The following STK3 variants were observed in gnomAD, a reference collection of about 807,000 sequenced individuals.
The protein encoded by STK3 is serine/threonine-protein kinase 3.
A neutral mutation model predicts 58.0 loss-of-function variants in STK3; 41 were observed. The ratio of observed to expected loss-of-function variants is 0.71; its 90% CI spans 0.55 to 0.92. The LOEUF is 0.92. STK3 is among the 40% of genes least tolerant of loss of function. The pLI is 0.00. For synonymous variants in STK3, 170 were observed against 191.0 expected, an observed-to-expected ratio of 0.89 and a Z score of 0.91; for missense variants, 479 against 602.7, an observed-to-expected ratio of 0.79 and a Z score of 2.15.
At position 98,635,855 on chromosome 8, in the gene STK3, TTGC is replaced by T. The variant is rs565788416; in HGVS notation, c.685-39689_685-39687del. On this transcript the variant is annotated intron_variant, in intron 6 of 10. Coordinates refer to ENST00000419617, the MANE Select transcript of STK3 (RefSeq NM_006281.4). ...TCTTGGTGGGCTTGTTAAATGCAGATTGCTGAACCCCTACTTCAAACCCCAATC... is the reference window on the plus strand; with the variant it reads ...TCTTGGTGGGCTTGTTAAATGCAGATTGAACCCCTACTTCAAACCCCAATC... Among the ~76,000 whole-genome samples, 645 of 152,236 alleles carry T rather than the reference TTGC, an allele frequency of 4.2e-3. 3 individuals carry two copies. Among genetic ancestry groups the T allele is most frequent in the African/African-American group, 0.015 (614 of 41,558 alleles).
intron 1 of STK3, among the ~76,000 whole-genome samples, chr8:98,795,297 A>G (rs1211733702): frequency 1.3e-5 from 2 of 148,328 alleles, no homozygotes; most frequent in Non-Finnish European, 1.5e-5. Context: ...CCCAACAGAC[A>G]TGGAAAAAGC....
At chr8:98,793,675 C>T (rs1276943207) in intron 1 of STK3, among the ~76,000 whole-genome samples, 2 of 152,196 alleles carry the variant, frequency 1.3e-5, no homozygotes, top group African/African-American at 2.4e-5. Context: ...GACTTAAATT[C>T]AACACATGAT....
chr8:98,387,495 C>A (rs1817801762), intron 1 of STK3, among the ~76,000 whole-genome samples: 1 of 152,162 alleles, frequency 6.6e-6, no homozygotes, highest in African/African-American at 2.4e-5. Flanking sequence ...ACGCCTGTAA[C>A]CCCAGCACTT....
chr8:98,806,400 G>A (rs940116779), intron 1 of STK3, among the ~76,000 whole-genome samples: 1 of 152,152 alleles, frequency 6.6e-6, no homozygotes, highest in South Asian at 2.1e-4. Flanking sequence ...ACACATATAT[G>A]GCTAGAAGTC....
intron 1 of STK3, among the ~76,000 whole-genome samples, chr8:98,897,909 C>T (rs1377591869): frequency 6.6e-6 from 1 of 152,194 alleles, no homozygotes; most frequent in Admixed American, 6.5e-5. Flanking sequence ...AAACACGAGA[C>T]AGCCCCTTAC....
downstream of STK3, among the ~76,000 whole-genome samples, chr8:98,451,694 G>T (rs184137607): frequency 6.6e-6 from 1 of 152,212 alleles, no homozygotes; most frequent in East Asian, 1.9e-4. Context: ...GTAGAAGGTA[G>T]TTGGCTGAGG....
intron 6 of STK3, among the ~76,000 whole-genome samples, chr8:98,662,211 G>A (rs1348062554): frequency 6.6e-6 from 1 of 152,060 alleles, no homozygotes; most frequent in Non-Finnish European, 1.5e-5. Flanking sequence ...TTAATAATCT[G>A]ATAAAACTGA....
chr8:98,365,660 C>A, the STK3 span, among the ~76,000 whole-genome samples: 14 of 152,220 alleles, frequency 9.2e-5, no homozygotes, highest in African/African-American at 3.4e-4. Context: ...CCAGAGCAAC[C>A]CTATGATGGT....
At chr8:98,759,311 T>C (rs886948377) in intron 3 of STK3, among the ~76,000 whole-genome samples, 4 of 152,068 alleles carry the variant, frequency 2.6e-5, no homozygotes, top group African/African-American at 9.7e-5. Flanking sequence ...ATTTCAATAT[T>C]GTGTCTCAAG....
At chr8:98,884,558 T>G (rs746749119) in intron 1 of STK3, among the ~76,000 whole-genome samples, 4 of 152,232 alleles carry the variant, frequency 2.6e-5, no homozygotes, top group Non-Finnish European at 5.9e-5. Context: ...TTTTCCTGGT[T>G]CAGGATTGCA....
chr8:98,769,436 G>T (rs181299676), intron 2 of STK3, among the ~76,000 whole-genome samples: 3 of 152,144 alleles, frequency 2.0e-5, no homozygotes, highest in South Asian at 4.1e-4. Flanking sequence ...CTCTTTGCCC[G>T]CTGCCATCCA....
At chr8:98,655,437 T>G (rs978357697) in intron 6 of STK3, among the ~76,000 whole-genome samples, 11 of 152,220 alleles carry the variant, frequency 7.2e-5, no homozygotes, top group South Asian at 2.1e-4. Context: ...AAGGACTTCA[T>G]GTCTAAAATG....
intron 9 of STK3, 159 bp downstream of exon 9, chr8:98,547,810 A>G (rs1400387829): frequency 1.9e-6 from 1 of 537,680 alleles, no homozygotes; most frequent in Non-Finnish European, 2.9e-6. Context: ...ACAATTTTAA[A>G]AAGGTGACTT....
intron 1 of STK3, among the ~76,000 whole-genome samples, chr8:98,792,824 C>A (rs1230265416): frequency 6.6e-6 from 1 of 152,146 alleles, no homozygotes; most frequent in Non-Finnish European, 1.5e-5. Context: ...TTTATAGCAG[C>A]ACAGTTCGCA....
At position 98,715,114 on chromosome 8, in the gene STK3, C is replaced by T. The variant is rs191361807; in HGVS notation, c.352-7803G>A. Among the ~76,000 whole-genome samples the T allele has an allele frequency of 1.3e-4, 20 of 151,724 alleles. No homozygotes were observed. In the East Asian group the frequency reaches 3.7e-3, roughly 28 times the overall value. ...CTGAAACTGGATCCCTTCCTTACAC[C>T]TTATACAAAAATTAATTCAAGATGG... On this transcript the variant is annotated intron_variant, in intron 4 of 10. Transcript: ENST00000419617.
At chr8:98,679,431 C>G (rs1823464891) in intron 6 of STK3, among the ~76,000 whole-genome samples, 2 of 152,182 alleles carry the variant, frequency 1.3e-5, no homozygotes, top group South Asian at 4.1e-4. Context: ...TCCAACACAA[C>G]ACATCAACCA....
At chr8:98,530,069 G>A (rs759332393) in intron 9 of STK3, among the ~76,000 whole-genome samples, 2 of 152,106 alleles carry the variant, frequency 1.3e-5, no homozygotes, top group Non-Finnish European at 2.9e-5. Context: ...TGAGAATATC[G>A]CAATAATGTA....
At position 98,822,232 on chromosome 8, in the gene STK3, T is replaced by C. The variant is rs575038508; in HGVS notation, c.26+3283A>G. 2.6e-5 allele frequency among the ~76,000 whole-genome samples: 4 copies of C among 152,368 alleles called. No individual in the cohort carries two copies. The South Asian group carries it at 6.2e-4, about 24-fold the overall frequency. On this transcript the variant is annotated intron_variant, in intron 1 of 10. Transcript: ENST00000419617. ...AATGTATTGGTAATATTTTTATTAA[T>C]ATTTCTTAAACTGGATGGTAATACC...
chr8:98,936,274 G>C (rs1195832156), intron 1 of STK3, among the ~76,000 whole-genome samples: 5 of 152,032 alleles, frequency 3.3e-5, no homozygotes, highest in Admixed American at 6.6e-5. Context: ...CAGACACAGA[G>C]GGTTCAACAA....
Sources: gnomAD v4.1 joint callset for allele counts (sites outside exome capture counted in the v4.1 genomes callset) on GRCh38, gnomAD v4.1.1 for gene constraint, MANE v1.5 for transcripts, NCBI Gene and HGNC (gene_info 2026-07-23, HGNC 2026-07-21) for gene names.